Variants in KIAA1549L observed in about 807,000 individuals in gnomAD.
KIAA1549L encodes the protein KIAA1549 like, also known as UPF0606 protein KIAA1549L.
In KIAA1549L, 88 loss-of-function variants were observed where a neutral mutation model predicts 160.7. The ratio of observed to expected loss-of-function variants is 0.55; its 90% confidence interval spans 0.46 to 0.65. KIAA1549L has a LOEUF of 0.65. Ranked by LOEUF, KIAA1549L falls within the 30% of genes least tolerant of loss-of-function variation. KIAA1549L has a pLI of 0.00. For synonymous variants in KIAA1549L, 950 were observed against 976.7 expected (o/e 0.97, Z 0.51); for missense variants, 2,258 against 2,437.5 (o/e 0.93, Z 1.55).
intron 1 of KIAA1549L, among the ~76,000 whole-genome samples, chr11:33,475,606 A>G (rs1590272692): frequency 6.6e-6 from 1 of 150,644 alleles, no homozygotes; most frequent in South Asian, 2.1e-4. Flanking sequence ...TAATCCCAGC[A>G]CCTTAGGAGG....
intron 1 of KIAA1549L, among the ~76,000 whole-genome samples, chr11:33,441,868 G>A (rs1198212476): frequency 6.6e-6 from 1 of 152,106 alleles, no homozygotes; most frequent in Non-Finnish European, 1.5e-5. Context: ...CATTCTGTAG[G>A]TTGCCTGTTC....
chr11:33,464,399 T>C (rs1236583589), intron 1 of KIAA1549L, among the ~76,000 whole-genome samples: 1 of 152,092 alleles, frequency 6.6e-6, no homozygotes, highest in Non-Finnish European at 1.5e-5. Context: ...GTCTCTCGCT[T>C]ATATCCTAGT....
intron 1 of KIAA1549L, among the ~76,000 whole-genome samples, chr11:33,452,976 A>G (rs1212177003): frequency 1.3e-5 from 2 of 152,226 alleles, no homozygotes; most frequent in African/African-American, 4.8e-5. Context: ...TGACTCAGAC[A>G]TGGCCAGAAT....
intron 1 of KIAA1549L, among the ~76,000 whole-genome samples, chr11:33,402,258 C>T (rs1192015886): frequency 6.6e-6 from 1 of 152,160 alleles, no homozygotes; most frequent in Non-Finnish European, 1.5e-5. Flanking sequence ...TCTGCTTGGC[C>T]GCTTAAGCCA....
At position 33,508,514 on chromosome 11, in the gene KIAA1549L, G is replaced by C. The variant is rs1462339830; in HGVS notation, c.239-33288G>C. Among the ~76,000 whole-genome samples the C allele has an allele frequency of 2.0e-5, 3 of 152,320 alleles. No homozygotes were observed. In the East Asian group the frequency reaches 5.8e-4, roughly 29 times the overall value. ...AATGGCTGCTGGTGTAATGTACAGA[G>C]CATTAGGGTAGAAAAATTACACCTG... is the stretch of plus-strand genomic sequence containing the variant. On this transcript the variant is annotated intron_variant, in intron 1 of 20. Transcript: ENST00000658780.
chr11:33,634,870 C>T (rs1006269841), intron 16 of KIAA1549L, among the ~76,000 whole-genome samples: 1 of 152,158 alleles, frequency 6.6e-6, no homozygotes, highest in African/African-American at 2.4e-5. Flanking sequence ...GTCCTCACAT[C>T]CTCATAGCCC....
intron 16 of KIAA1549L, among the ~76,000 whole-genome samples, chr11:33,643,558 G>A (rs560970765): frequency 4.6e-5 from 7 of 152,294 alleles, no homozygotes; most frequent in African/African-American, 7.2e-5. Flanking sequence ...TTAAGCCTCC[G>A]TTATGTATCA....
At chr11:33,460,299 G>A (rs1215936234) in intron 1 of KIAA1549L, among the ~76,000 whole-genome samples, 1 of 152,076 alleles carries the variant, frequency 6.6e-6, no homozygotes, top group Admixed American at 6.6e-5. Flanking sequence ...ATTGAGGTGT[G>A]GTGGGGGCCA....
intron 8 of KIAA1549L, among the ~76,000 whole-genome samples, chr11:33,564,105 C>T (rs1854968446): frequency 6.6e-6 from 1 of 152,178 alleles, no homozygotes; most frequent in Non-Finnish European, 1.5e-5. Flanking sequence ...TTAGGGCTAG[C>T]TGGATCAGTT....
At chr11:33,422,518 C>T (rs1271148180) in intron 1 of KIAA1549L, among the ~76,000 whole-genome samples, 28 of 126,796 alleles carry the variant, frequency 2.2e-4, no homozygotes, top group Non-Finnish European at 3.5e-4. Flanking sequence ...TCCCTCCCTC[C>T]CCTCCCTTCC....
intron 1 of KIAA1549L, among the ~76,000 whole-genome samples, chr11:33,415,117 A>G (rs904195934): frequency 6.6e-6 from 1 of 151,852 alleles, no homozygotes; most frequent in African/African-American, 2.4e-5. Flanking sequence ...AGATAAGCCA[A>G]GTCTACCTTT....
At chr11:33,534,007 AT>A (rs899987498) in intron 1 of KIAA1549L, among the ~76,000 whole-genome samples, 29 of 152,250 alleles carry the variant, frequency 1.9e-4, no homozygotes, top group Admixed American at 1.3e-3. Context: ...CATTGTAAAC[AT>A]TCAGAAAAGG....
chr11:33,574,687 C>T lies in KIAA1549L; in HGVS notation c.4231-15C>T, dbSNP rs1855383722. 6.2e-7 allele frequency: 1 copy of T among 1,604,104 alleles called. No individual in the cohort carries two copies. The highest frequency in any genetic ancestry group is 1.3e-5 in the African/African-American group (1 of 74,658). On this transcript the variant is annotated splice_polypyrimidine_tract_variant and intron_variant, in intron 9 of 20. Transcript: ENST00000658780. Reference sequence around the variant, plus strand: ...AAAATGCCCTGCAAACACTCGGCCTCTCTTTTTCCGAAAGATGGTGAAGAT... The same window carrying T: ...AAAATGCCCTGCAAACACTCGGCCTTTCTTTTTCCGAAAGATGGTGAAGAT...
intron 10 of KIAA1549L, among the ~76,000 whole-genome samples, chr11:33,578,710 C>T (rs1317257711): frequency 2.6e-5 from 4 of 152,180 alleles, no homozygotes; most frequent in Non-Finnish European, 4.4e-5. Context: ...GTGTGGCCTG[C>T]GTTTCTCTCC....
intron 3 of KIAA1549L, among the ~76,000 whole-genome samples, chr11:33,546,574 G>A (rs1330182223): frequency 6.6e-6 from 1 of 152,116 alleles, no homozygotes; most frequent in African/African-American, 2.4e-5. Flanking sequence ...TGTAACAACA[G>A]CCACATTTAT....
At chr11:33,486,631 A>G (rs1325324671) in intron 1 of KIAA1549L, among the ~76,000 whole-genome samples, 2 of 146,724 alleles carry the variant, frequency 1.4e-5, no homozygotes, top group South Asian at 2.2e-4. Context: ...GATTTCTGAT[A>G]GAGACACCAT....
rs190793293 is a variant in KIAA1549L, at chr11:33,524,833, T to A, written c.239-16969T>A. On this transcript the variant is annotated intron_variant, in intron 1 of 20. Coordinates refer to ENST00000658780, the MANE Select transcript of KIAA1549L (RefSeq NM_012194.3). The stretch of plus-strand genomic sequence containing the variant: ...TGATGAATAAGTCATTTTCAAAACC[T>A]CATACTTGCTTGTAAAAATAAGCAG... Among the ~76,000 whole-genome samples, 178 of 152,330 alleles carry A rather than the reference T, an allele frequency of 1.2e-3. No individual in the cohort carries two copies. The South Asian group carries it at 0.024, about 21-fold the overall frequency.
intron 1 of KIAA1549L, among the ~76,000 whole-genome samples, chr11:33,383,267 TTC>T (rs1026576703): frequency 4.7e-5 from 7 of 149,694 alleles, no homozygotes; most frequent in African/African-American, 1.7e-4. Flanking sequence ...GTGGTTTTCT[TTC>T]TTTCTTTTTT....
intron 12 of KIAA1549L, among the ~76,000 whole-genome samples, chr11:33,595,071 A>C (rs1304413558): frequency 2.6e-5 from 4 of 152,182 alleles, no homozygotes; most frequent in Admixed American, 6.5e-5. Context: ...GTTTTCTTTA[A>C]ATTTTTTTAG....
Sources: gnomAD v4.1 joint callset for allele counts (sites outside exome capture counted in the v4.1 genomes callset) on GRCh38, gnomAD v4.1.1 for gene constraint, MANE v1.5 for transcripts, NCBI Gene and HGNC (gene_info 2026-07-23, HGNC 2026-07-21) for gene names.